Variants in CACNG3 observed in about 807,000 individuals in gnomAD.
CACNG3 encodes the protein calcium voltage-gated channel auxiliary subunit gamma 3, also known as voltage-dependent calcium channel gamma-3 subunit.
A neutral mutation model predicts 28.5 loss-of-function variants in CACNG3; 3 were observed. That is an observed-to-expected ratio of 0.11 (90% confidence interval 0.05 to 0.27). CACNG3 has a LOEUF of 0.27. Among genes scored for constraint, CACNG3 ranks in the 10% least tolerant of loss-of-function variants. The pLI, the probability that CACNG3 is intolerant of heterozygous loss-of-function variation, is 1.00. For missense variants in CACNG3, 236 were observed against 414.4 expected (o/e 0.57, Z 3.74); for synonymous variants, 174 against 162.2 (o/e 1.07, Z -0.55).
chr16:24,336,763 C>T (rs1429965404), intron 1 of CACNG3, among the ~76,000 whole-genome samples: 3 of 151,950 alleles, frequency 2.0e-5, no homozygotes, highest in African/African-American at 7.2e-5. Context: ...GCAGGCCCCA[C>T]TCCTAATACC....
At chr16:24,300,558 A>G (rs1899094433) in intron 1 of CACNG3, among the ~76,000 whole-genome samples, 1 of 152,072 alleles carries the variant, frequency 6.6e-6, no homozygotes, top group African/African-American at 2.4e-5. Flanking sequence ...ATCCTCTGGC[A>G]GGATCACCCA....
At chr16:24,308,839 C>CAAAAAAAAAAAAAAAAAAA (rs71154298) in intron 1 of CACNG3, among the ~76,000 whole-genome samples, 79 of 27,292 alleles carry the variant, frequency 2.9e-3, no homozygotes, top group Non-Finnish European at 4.1e-3. Context: ...GAACCTACCT[C>CAAAAAAAAAAAAAAAAAAA]AAAAAAAAAA....
chr16:24,282,480 T>C (rs1898843056), intron 1 of CACNG3, among the ~76,000 whole-genome samples: 2 of 152,078 alleles, frequency 1.3e-5, no homozygotes, highest in Non-Finnish European at 2.9e-5. Flanking sequence ...TTTCACTCTG[T>C]TGGCCAGGAT....
intron 1 of CACNG3, among the ~76,000 whole-genome samples, chr16:24,286,419 C>T (rs1433104726): frequency 7.2e-6 from 1 of 138,744 alleles, no homozygotes; most frequent in Non-Finnish European, 1.7e-5. Context: ...CACACACACA[C>T]ACACACACAC....
chr16:24,326,778 G>T (rs918079759), intron 1 of CACNG3, among the ~76,000 whole-genome samples: 21 of 152,164 alleles, frequency 1.4e-4, no homozygotes, highest in African/African-American at 4.8e-4. Flanking sequence ...TGGAATGAAG[G>T]TAGCCTTACC....
intron 1 of CACNG3, among the ~76,000 whole-genome samples, chr16:24,285,836 CTT>C (rs1413610459): frequency 1.5e-5 from 2 of 134,508 alleles, no homozygotes; most frequent in Non-Finnish European, 3.1e-5. Context: ...TGATTTTTTT[CTT>C]TCTTTTCTTT....
rs368691584 is a variant in CACNG3, at chr16:24,336,332, C to T, written c.212-10402C>T. Among the ~76,000 whole-genome samples, 25 of 150,170 alleles carry T rather than the reference C, an allele frequency of 1.7e-4. No individual in the cohort carries two copies. The East Asian group carries it at 3.2e-3, about 19-fold the overall frequency. On this transcript the variant is annotated intron_variant, in intron 1 of 3. Transcript: ENST00000005284. ...TGTCTCCCAGGCTGGACTGTAGTGG[C>T]GTGATCTCAGCTCACTGCAAGCTCT...
At chr16:24,264,039 G>A (rs1898566764) in intron 1 of CACNG3, among the ~76,000 whole-genome samples, 1 of 152,268 alleles carries the variant, frequency 6.6e-6, no homozygotes. Flanking sequence ...CTAAGAGGAG[G>A]CATGGGATTG....
rs559585991 is a variant in CACNG3 at position 24,343,194 on chromosome 16, A to AG, written c.212-3540_212-3539insG. 5.0e-4 allele frequency among the ~76,000 whole-genome samples: 76 copies of AG among 152,198 alleles called. No individual in the cohort carries two copies. In the South Asian group the frequency reaches 0.013, roughly 27 times the overall value. On this transcript the variant is annotated intron_variant, in intron 1 of 3. Coordinates refer to ENST00000005284, the MANE Select transcript of CACNG3 (RefSeq NM_006539.4). ...ACAAGAGCGAAACTCTGCCTAAAAA[A>AG]CAAACAAACAACAACAACAAAACTA...
chr16:24,292,373 G>T (rs1375847121), intron 1 of CACNG3, among the ~76,000 whole-genome samples: 6 of 152,152 alleles, frequency 3.9e-5, no homozygotes, highest in East Asian at 3.9e-4. Context: ...CCTTCCCTTT[G>T]TTAAGTGAAA....
intron 1 of CACNG3, among the ~76,000 whole-genome samples, chr16:24,304,877 T>C (rs971148243): frequency 1.3e-5 from 2 of 152,208 alleles, no homozygotes; most frequent in African/African-American, 4.8e-5. Flanking sequence ...TCTTAAGTTT[T>C]AATCCAACAT....
chr16:24,271,971 G>A (rs1326818142), intron 1 of CACNG3, among the ~76,000 whole-genome samples: 3 of 152,118 alleles, frequency 2.0e-5, no homozygotes, highest in Non-Finnish European at 4.4e-5. Context: ...AGTACTCGGG[G>A]CTGGAATAGA....
At chr16:24,360,292 T>A (rs541263777) in intron 3 of CACNG3, among the ~76,000 whole-genome samples, 1 of 152,140 alleles carries the variant, frequency 6.6e-6, no homozygotes, top group Non-Finnish European at 1.5e-5. Flanking sequence ...ATGAGAAAGG[T>A]AGGCAGAGAT....
chr16:24,348,308 T>C (rs899398478), intron 2 of CACNG3, among the ~76,000 whole-genome samples: 2 of 151,008 alleles, frequency 1.3e-5, no homozygotes, highest in African/African-American at 4.9e-5. Flanking sequence ...GAGGCTGAGG[T>C]GGGAGGATTG....
intron 1 of CACNG3, among the ~76,000 whole-genome samples, chr16:24,263,545 G>A (rs1214207080): frequency 1.3e-5 from 2 of 152,118 alleles, no homozygotes; most frequent in East Asian, 3.8e-4. Flanking sequence ...AACAAATAGG[G>A]CTTTAATAAG....
intron 1 of CACNG3, among the ~76,000 whole-genome samples, chr16:24,316,306 G>A (rs1899351451): frequency 7.4e-6 from 1 of 135,440 alleles, no homozygotes; most frequent in Non-Finnish European, 1.7e-5. Context: ...CATTGTCGGA[G>A]CTATGCCATC....
chr16:24,277,694 C>T (rs781234800), intron 1 of CACNG3, among the ~76,000 whole-genome samples: 6 of 150,846 alleles, frequency 4.0e-5, no homozygotes, highest in East Asian at 2.0e-4. Context: ...GCAGGAGAAT[C>T]GCTTGAACCC....
intron 2 of CACNG3, among the ~76,000 whole-genome samples, chr16:24,350,582 G>A (rs13339347): frequency 0.058 from 8,894 of 152,158 alleles, 435 homozygotes; most frequent in African/African-American, 0.13. Context: ...GATTACAGGC[G>A]TGAGCCACTG....
intron 1 of CACNG3, among the ~76,000 whole-genome samples, chr16:24,316,891 C>A (rs1052757656): frequency 6.6e-6 from 1 of 152,250 alleles, no homozygotes; most frequent in South Asian, 2.1e-4. Context: ...AGCCTTGCTG[C>A]TTGGCTGGGT....
Sources: allele counts gnomAD v4.1 joint callset (sites outside exome capture counted in the v4.1 genomes callset), GRCh38; gene constraint gnomAD v4.1.1; transcripts MANE v1.5; gene names NCBI Gene and HGNC (gene_info 2026-07-23, HGNC 2026-07-21).